The following AGMO variants were observed in gnomAD, a reference collection of about 807,000 sequenced individuals.
AGMO encodes glyceryl-ether monooxygenase.
Under a neutral mutation model 60.2 loss-of-function variants are expected in AGMO, and 75 were observed. The observed-to-expected ratio is 1.25, with a 90% CI of 1.03 to 1.51. The LOEUF is 1.51. Among genes scored for constraint, AGMO ranks in the 40% most tolerant of loss-of-function variants. AGMO has a pLI of 0.00. For missense variants in AGMO, 763 were observed against 525.5 expected (o/e 1.45, Z -4.42); for synonymous variants, 261 against 177.1 (o/e 1.47, Z -3.76).
At chr7:15,213,962 T>A (rs1781666220) in intron 12 of AGMO, among the ~76,000 whole-genome samples, 1 of 152,036 alleles carries the variant, frequency 6.6e-6, no homozygotes. Flanking sequence ...TGCTTGTTTG[T>A]GTTTATAGTT....
chr7:15,309,590 G>A (rs1042246330), intron 12 of AGMO, among the ~76,000 whole-genome samples: 4 of 152,062 alleles, frequency 2.6e-5, no homozygotes, highest in Admixed American at 6.6e-5. Flanking sequence ...CAAAATGTTA[G>A]AAAAGACAGG....
chr7:15,502,262 G>C (rs138491491), intron 3 of AGMO, among the ~76,000 whole-genome samples: 1 of 152,068 alleles, frequency 6.6e-6, no homozygotes, highest in East Asian at 1.9e-4. Flanking sequence ...ACTGAGTCCA[G>C]CCTTGCCCCT....
intron 2 of AGMO, among the ~76,000 whole-genome samples, chr7:15,548,336 GAGA>G (rs1240993542): frequency 1.3e-5 from 2 of 151,986 alleles, no homozygotes; most frequent in South Asian, 2.1e-4. Context: ...GACGAGCTGA[GAGA>G]AGAAGGCTTC....
At chr7:15,372,821 C>T (rs1419627339) in intron 10 of AGMO, among the ~76,000 whole-genome samples, 1 of 152,088 alleles carries the variant, frequency 6.6e-6, no homozygotes, top group Non-Finnish European at 1.5e-5. Context: ...GTATCTCTGT[C>T]CTAAAGTGCT....
the AGMO span, among the ~76,000 whole-genome samples, chr7:15,159,403 T>G: frequency 6.6e-6 from 1 of 152,224 alleles, no homozygotes; most frequent in African/African-American, 2.4e-5. Context: ...TTAATTCTTC[T>G]GCTGAGATTT....
chr7:15,188,975 A>G, the AGMO span, among the ~76,000 whole-genome samples: 30 of 152,334 alleles, frequency 2.0e-4, no homozygotes, highest in African/African-American at 5.5e-4. Context: ...AACTTTTTGA[A>G]TGAAATTTGA....
chr7:15,301,856 T>TGGGCTCAAGAA (rs888309068), intron 12 of AGMO, among the ~76,000 whole-genome samples: 2 of 152,072 alleles, frequency 1.3e-5, no homozygotes, highest in Middle Eastern at 3.2e-3. Flanking sequence ...TATATAGAAA[T>TGGGCTCAAGAA]GGGCTCAAGA....
chr7:15,352,835 T>G (rs1282496635), intron 12 of AGMO, among the ~76,000 whole-genome samples: 1 of 152,002 alleles, frequency 6.6e-6, no homozygotes, highest in Non-Finnish European at 1.5e-5. Context: ...TTAAAGACAA[T>G]GCAAAAACAA....
chr7:15,206,328 G>A (rs1170361126), intron 12 of AGMO, among the ~76,000 whole-genome samples: 1 of 149,954 alleles, frequency 6.7e-6, no homozygotes, highest in Non-Finnish European at 1.5e-5. Flanking sequence ...TTTTCACTTT[G>A]AAAATATTCT....
At chr7:15,283,427 G>A (rs888920913) in intron 12 of AGMO, among the ~76,000 whole-genome samples, 2 of 151,906 alleles carry the variant, frequency 1.3e-5, no homozygotes, top group African/African-American at 2.4e-5. Context: ...GTAAGCAGGA[G>A]TAGCTGTTCT....
At chr7:15,317,790 C>T (rs1403875980) in intron 12 of AGMO, among the ~76,000 whole-genome samples, 1 of 151,202 alleles carries the variant, frequency 6.6e-6, no homozygotes, top group African/African-American at 2.4e-5. Context: ...CAATGAATGG[C>T]ACCATTGCAT....
chr7:15,547,874 A>C (rs576670761), intron 2 of AGMO, among the ~76,000 whole-genome samples: 1,666 of 151,788 alleles, frequency 0.011, 18 homozygotes, highest in African/African-American at 0.038. Flanking sequence ...GGCACAGACA[A>C]ACAAAAAGAC....
chr7:15,422,672 G>A (rs1780957420), intron 4 of AGMO, among the ~76,000 whole-genome samples: 1 of 152,142 alleles, frequency 6.6e-6, no homozygotes, highest in Non-Finnish European at 1.5e-5. Context: ...AAGGTAGAGA[G>A]GAGAAAATAG....
At chr7:15,274,448 G>A (rs950492388) in intron 12 of AGMO, among the ~76,000 whole-genome samples, 40 of 152,208 alleles carry the variant, frequency 2.6e-4, no homozygotes, top group Middle Eastern at 3.4e-3. Context: ...TGAACCAGCC[G>A]TGCATCCCAG....
At chr7:15,133,870 G>A in the AGMO span, among the ~76,000 whole-genome samples, 1 of 152,048 alleles carries the variant, frequency 6.6e-6, no homozygotes, top group Non-Finnish European at 1.5e-5. Context: ...CAAATGCCGT[G>A]GATCTGAAAC....
intron 12 of AGMO, among the ~76,000 whole-genome samples, chr7:15,240,997 A>G (rs1004796836): frequency 6.6e-6 from 1 of 152,198 alleles, no homozygotes; most frequent in Admixed American, 6.6e-5. Context: ...CCATTTTATC[A>G]GCTGGATCTA....
the AGMO span, among the ~76,000 whole-genome samples, chr7:15,185,122 AG>A: frequency 6.6e-6 from 1 of 152,130 alleles, no homozygotes; most frequent in African/African-American, 2.4e-5. Flanking sequence ...AATTTAGGGA[AG>A]TTTTTTTATA....
the AGMO span, among the ~76,000 whole-genome samples, chr7:15,133,271 A>G: frequency 6.6e-6 from 1 of 152,190 alleles, no homozygotes; most frequent in Non-Finnish European, 1.5e-5. Flanking sequence ...TCAGGACAGT[A>G]ACTGTTCCTT....
intron 12 of AGMO, among the ~76,000 whole-genome samples, chr7:15,248,212 A>ATATATATATG (rs1563053845): frequency 1.0e-5 from 1 of 97,918 alleles, no homozygotes; most frequent in Non-Finnish European, 2.0e-5. Context: ...ATATATATAT[A>ATATATATATG]TATATATATA....
Sources: gnomAD v4.1 joint callset for allele counts (sites outside exome capture counted in the v4.1 genomes callset) on GRCh38, gnomAD v4.1.1 for gene constraint, MANE v1.5 for transcripts, NCBI Gene and HGNC (gene_info 2026-07-23, HGNC 2026-07-21) for gene names.